ZFP28: variants seen among roughly 807,000 people sequenced by gnomAD.
ZFP28 encodes zinc finger protein 28 homolog.
Under a neutral mutation model 39.5 loss-of-function variants are expected in ZFP28, and 31 were observed. The observed-to-expected ratio is 0.79, with a 90% CI of 0.59 to 1.06. The LOEUF (loss-of-function observed/expected upper bound fraction) is 1.06, where lower values mean the gene tolerates loss of function less well. Among genes scored for constraint, ZFP28 ranks in the 50% least tolerant of loss-of-function variants. The pLI is 0.00. For synonymous variants in ZFP28, 400 were observed against 378.6 expected, an observed-to-expected ratio of 1.06 and a Z score of -0.66; for missense variants, 925 against 1,048.4, an observed-to-expected ratio of 0.88 and a Z score of 1.63.
At chr19:56,550,700 A>C (rs1202941303) in intron 7 of ZFP28, 95 bp downstream of exon 7, 1 of 1,596,660 alleles carries the variant, frequency 6.3e-7, no homozygotes, top group African/African-American at 1.3e-5. Flanking sequence ...ACAGTAGGAA[A>C]CTTTACCCAG....
chr19:56,551,456 T>G, intron 7 of ZFP28: 1 of 985,438 alleles, frequency 1.0e-6, no homozygotes, highest in Non-Finnish European at 1.2e-6. Context: ...TTCATGTGGA[T>G]TCCACGTTGT....
intron 2 of ZFP28, chr19:56,544,856 A>G (rs1385574939): frequency 6.6e-6 from 1 of 152,254 alleles, no homozygotes; most frequent in Non-Finnish European, 1.5e-5. Context: ...AGCTGTCCGA[A>G]TAAACAGAAA....
In ZFP28 at chr19:56,547,628, TCGCTGGGTAAG is replaced by T; in HGVS notation, c.422_427+5del. On this transcript the variant is annotated splice_donor_variant and splice_donor_5th_base_variant and coding_sequence_variant and intron_variant, in exon 3 of 8. Coordinates refer to ENST00000301318, the MANE Select transcript of ZFP28 (RefSeq NM_020828.2). LOFTEE classifies it high-confidence loss of function. This position sits in a 1 kb window ranked among gnomAD's most constrained non-coding sequence, Gnocchi z 4.6. ...GTTGGAGAACTACAGGAACCTGGCATCGCTGGGTAAGGGCTCCCACCCCTTTTCCCACCCCT... is the reference window on the plus strand; with the variant it reads ...GTTGGAGAACTACAGGAACCTGGCATGGCTCCCACCCCTTTTCCCACCCCT... 1.9e-6 allele frequency: 3 copies of T among 1,610,124 alleles called. No individual in the cohort carries two copies. Among genetic ancestry groups the T allele is most frequent in the Non-Finnish European group, 2.5e-6 (3 of 1,177,716 alleles).
At position 56,539,722 on chromosome 19, in the gene ZFP28, T is replaced by G. The variant is rs187624752; in HGVS notation, c.300+6T>G. 1 of 1,613,120 alleles carries G rather than the reference T, an allele frequency of 6.2e-7. No individual in the cohort carries two copies. Among genetic ancestry groups the G allele is most frequent in the Non-Finnish European group, 8.5e-7 (1 of 1,179,204 alleles). On this transcript the variant is annotated splice_donor_region_variant and intron_variant, in intron 2 of 7. Transcript: ENST00000301318. ...AACCTAAAGCCATGTCCCAGGTGAG[T>G]TGGCATTTCATCTCTTGTCTCTGAA...
rs1038560030 is a variant in ZFP28, at chr19:56,539,098, C to G, written c.80C>G (p.Ala27Gly). The G allele has an allele frequency of 5.2e-6, 8 of 1,546,340 alleles. No homozygotes were observed. Among genetic ancestry groups the G allele is most frequent in the Non-Finnish European group, 6.9e-6 (8 of 1,152,006 alleles). The change falls in exon 1 of 8, where the codon GCG becomes GGG. Residue 27 changes from alanine (A) to glycine (G), a missense_variant. Coordinates refer to ENST00000301318, the MANE Select transcript of ZFP28 (RefSeq NM_020828.2). ...GRGAPRTKPRAGRGPTVGTPA... is the reference protein window; with the variant it reads ...GRGAPRTKPRGGRGPTVGTPA... ...GGCGCCCCCCGCACAAAGCCCCGGG[C>G]GGGCCGAGGCCCGACTGTAGGGACT...
At position 56,539,039 on chromosome 19, in the gene ZFP28, G is replaced by T. The variant is rs1335949047; in HGVS notation, c.21G>T (p.Ala7=). 3.4e-6 allele frequency: 5 copies of T among 1,466,008 alleles called. No individual in the cohort carries two copies. The highest frequency in any genetic ancestry group is 2.5e-5 in the Admixed American group (1 of 39,376). 90.8% of individuals were successfully genotyped at this position (1,466,008 alleles called of 1,614,324 possible). A position where few individuals can be genotyped will look rare whatever the true frequency, so the allele number is the denominator to read the frequency against. The part of the protein sequence containing the change: MRGAAS[A]SVREPTPLPG... ...GTGACATGCGGGGGGCGGCGAGCGC[G>T]AGTGTCCGCGAGCCGACGCCGCTCC... Residue 7 remains alanine, a synonymous_variant, in exon 1 of 8, where the codon GCG becomes GCT. Coordinates refer to ENST00000301318, the MANE Select transcript of ZFP28 (RefSeq NM_020828.2).
chr19:56,539,794 G>A, intron 2 of ZFP28, 78 bp downstream of exon 2: 1 of 1,383,830 alleles, frequency 7.2e-7, no homozygotes, highest in South Asian at 1.2e-5. Context: ...TTTCTTGAAA[G>A]TTTTCAGTTT....
chr19:56,547,796 T>A lies in ZFP28; in HGVS notation c.428-11T>A. On this transcript the variant is annotated splice_polypyrimidine_tract_variant and intron_variant, in intron 3 of 7. Coordinates refer to ENST00000301318, the MANE Select transcript of ZFP28 (RefSeq NM_020828.2). The surrounding 1 kb of genome is among the most constrained non-coding windows in gnomAD (Gnocchi z 4.6). Reference sequence around the variant, plus strand: ...CACACAGTATGACCAGGTTGTTTTTTATGTGTCTAGGACTTTGTGTTTCTA... The same window carrying A: ...CACACAGTATGACCAGGTTGTTTTTAATGTGTCTAGGACTTTGTGTTTCTA... The A allele has an allele frequency of 6.2e-7, 1 of 1,613,982 alleles. No homozygotes were observed. Among genetic ancestry groups the A allele is most frequent in the Non-Finnish European group, 8.5e-7 (1 of 1,179,910 alleles).
intron 2 of ZFP28, among the ~76,000 whole-genome samples, chr19:56,541,244 G>C (rs950692596): frequency 1.3e-5 from 2 of 152,180 alleles, no homozygotes; most frequent in Admixed American, 6.5e-5. Flanking sequence ...CAGTTACTCA[G>C]TCCGGAAGCC....
intron 7 of ZFP28, 113 bp from the exon 8 acceptor site, chr19:56,553,571 T>C: frequency 7.4e-7 from 1 of 1,347,572 alleles, no homozygotes; most frequent in Admixed American, 2.5e-5. Context: ...AGCTGTAAAA[T>C]GTATGTTGAT....
rs993138278 is a variant in ZFP28 at position 56,547,334 on chromosome 19, C to T, written c.301-174C>T. 2 of 914,330 alleles carry T rather than the reference C, an allele frequency of 2.2e-6. No homozygotes were observed. 56.6% of individuals were successfully genotyped at this position (914,330 alleles called of 1,614,324 possible). On this transcript the variant is annotated intron_variant, in intron 2 of 7. Transcript: ENST00000301318. This position sits in a 1 kb window ranked among gnomAD's most constrained non-coding sequence, Gnocchi z 4.6. ...CCCCACCCATATGACCTCATTTAACCCTAATTACCTCTTTGTAGGCCCTGT... is the reference window on the plus strand; with the variant it reads ...CCCCACCCATATGACCTCATTTAACTCTAATTACCTCTTTGTAGGCCCTGT...
rs766173954 is a variant in ZFP28, at chr19:56,555,387, C to T, written c.2602C>T (p.Pro868Ser). 1.9e-6 allele frequency: 3 copies of T among 1,604,912 alleles called. No individual in the cohort carries two copies. The highest frequency in any genetic ancestry group is 3.4e-5 in the Admixed American group (2 of 58,918). The stretch of plus-strand genomic sequence containing the variant: ...CTGGAATCCATCCTCCCTCCCATCA[C>T]CATAGCCTCGAGACGTCATTTCTGT... ...FLWNPSSLPS[P>S] Residue 868 changes from proline to serine, a missense_variant, in exon 8 of 8, where the codon CCA becomes TCA. Transcript: ENST00000301318.
At chr19:56,546,382 T>C (rs1463661135) in intron 2 of ZFP28, 2 of 152,194 alleles carry the variant, frequency 1.3e-5, no homozygotes, top group Admixed American at 1.3e-4. Flanking sequence ...GTAGGCTGAA[T>C]TTGTAAAACT....
rs371827689 is a variant in ZFP28 at position 56,540,878 on chromosome 19, C to G, written c.300+1162C>G. Among the ~76,000 whole-genome samples the G allele has an allele frequency of 9.1e-4, 138 of 151,078 alleles. 2 individuals carry two copies. The highest frequency in any genetic ancestry group is 3.2e-3 in the African/African-American group (129 of 40,820). ...CTACTGGGATCTCACACTCATCTGA[C>G]TTTCATCTTCCTGACTGCTCAGTTT... is the stretch of plus-strand genomic sequence containing the variant. On this transcript the variant is annotated intron_variant, in intron 2 of 7. Transcript: ENST00000301318.
At chr19:56,542,745 C>G (rs2044206501) in intron 2 of ZFP28, among the ~76,000 whole-genome samples, 1 of 149,722 alleles carries the variant, frequency 6.7e-6, no homozygotes. Flanking sequence ...TGAAAATGTG[C>G]TTCGTCCCTG....
intron 2 of ZFP28, chr19:56,546,841 G>C (rs1430264278): frequency 6.6e-6 from 1 of 152,540 alleles, no homozygotes; most frequent in East Asian, 1.9e-4. Flanking sequence ...TTATAGTTTT[G>C]AATTGATGTC....
At chr19:56,539,289 G>A in intron 1 of ZFP28, 63 bp downstream of exon 1, 1 of 1,493,742 alleles carries the variant, frequency 6.7e-7, no homozygotes. Flanking sequence ...GATGAGATCT[G>A]GGAGGGGGTT....
At chr19:56,537,042 AG>A (rs1380126186), upstream of ZFP28, among the ~76,000 whole-genome samples, 1 of 85,862 alleles carries the variant, frequency 1.2e-5, no homozygotes, top group African/African-American at 4.5e-5. Context: ...GTTGTCGGTC[AG>A]TAGCTTGATT....
At chr19:56,544,996 G>A (rs1461986024) in intron 2 of ZFP28, among the ~76,000 whole-genome samples, 1 of 152,244 alleles carries the variant, frequency 6.6e-6, no homozygotes, top group African/African-American at 2.4e-5. Flanking sequence ...GGGAAACTAG[G>A]GTTGATTCTT....
Sources: allele counts gnomAD v4.1 joint callset (sites outside exome capture counted in the v4.1 genomes callset), GRCh38; gene constraint gnomAD v4.1.1; non-coding constraint Gnocchi (gnomAD v3.1); transcripts MANE v1.5; gene names NCBI Gene and HGNC (gene_info 2026-07-23, HGNC 2026-07-21).